NCK2: variants seen among roughly 807,000 people sequenced by gnomAD.
The protein encoded by NCK2 is cytoplasmic protein NCK2.
A neutral mutation model predicts 33.9 loss-of-function variants in NCK2; 16 were observed. That is an observed-to-expected ratio of 0.47 (90% confidence interval 0.32 to 0.72). NCK2 has a LOEUF of 0.72. Ranked by LOEUF, NCK2 falls within the 30% of genes least tolerant of loss-of-function variation. NCK2 has a pLI of 0.03. For synonymous variants in NCK2, 273 were observed against 239.9 expected, an observed-to-expected ratio of 1.14 and a Z score of -1.27; for missense variants, 418 against 537.3, an observed-to-expected ratio of 0.78 and a Z score of 2.19.
At chr2:105,783,271 C>G (rs565843951) in intron 1 of NCK2, among the ~76,000 whole-genome samples, 2 of 152,296 alleles carry the variant, frequency 1.3e-5, no homozygotes, top group South Asian at 2.1e-4. Context: ...CTGTTTGTAG[C>G]CTCGCTAGAG....
chr2:105,760,050 T>C (rs929223347), intron 1 of NCK2, among the ~76,000 whole-genome samples: 1 of 150,286 alleles, frequency 6.7e-6, no homozygotes, highest in Non-Finnish European at 1.5e-5. Context: ...AAGTGACTCT[T>C]TTCCCTTCTT....
chr2:105,770,185 C>T lies in NCK2; in HGVS notation c.-201+25047C>T, dbSNP rs186330805. 2.1e-3 allele frequency among the ~76,000 whole-genome samples: 309 copies of T among 149,078 alleles called. 2 individuals carry two copies. The highest frequency in any genetic ancestry group is 7.1e-3 in the African/African-American group (288 of 40,404). ...ACAAGAAAAAGGATGGTGCTGTGGACATGGGGTGTGGTTGCTAAAGGAATT... is the reference window on the plus strand; with the variant it reads ...ACAAGAAAAAGGATGGTGCTGTGGATATGGGGTGTGGTTGCTAAAGGAATT... On this transcript the variant is annotated intron_variant, in intron 1 of 4. Coordinates refer to ENST00000233154, the MANE Select transcript of NCK2 (RefSeq NM_003581.5).
intron 1 of NCK2, among the ~76,000 whole-genome samples, chr2:105,799,840 G>A (rs1297227741): frequency 6.6e-6 from 1 of 152,098 alleles, no homozygotes; most frequent in East Asian, 1.9e-4. Flanking sequence ...TTGCCACTAT[G>A]TTCTTGGCTA....
chr2:105,880,167 C>T (rs532209857), intron 3 of NCK2, among the ~76,000 whole-genome samples: 5 of 152,214 alleles, frequency 3.3e-5, no homozygotes, highest in Admixed American at 1.3e-4. Context: ...ATTCGATACT[C>T]GTATCTGTGA....
At chr2:105,791,437 C>T (rs140390014) in intron 1 of NCK2, among the ~76,000 whole-genome samples, 2,855 of 152,304 alleles carry the variant, frequency 0.019, 50 homozygotes, top group Non-Finnish European at 0.022. Context: ...AAGTGCCTAA[C>T]AACAATGTAG....
chr2:105,849,603 T>TA (rs1676984618), intron 2 of NCK2, among the ~76,000 whole-genome samples: 1 of 152,088 alleles, frequency 6.6e-6, no homozygotes, highest in African/African-American at 2.4e-5. Context: ...AGTGACCAGG[T>TA]GGTCTCTGGT....
chr2:105,762,247 A>G (rs1689787095), intron 1 of NCK2, among the ~76,000 whole-genome samples: 1 of 152,240 alleles, frequency 6.6e-6, no homozygotes, highest in Non-Finnish European at 1.5e-5. Flanking sequence ...TCAAGTTGAA[A>G]GAGGCCTTGC....
chr2:105,888,203 G>A (rs143205233), intron 4 of NCK2, among the ~76,000 whole-genome samples: 440 of 152,268 alleles, frequency 2.9e-3, no homozygotes, highest in African/African-American at 0.01. Flanking sequence ...GAAAAGAAGG[G>A]TCAAATGAAT....
intron 1 of NCK2, among the ~76,000 whole-genome samples, chr2:105,788,883 C>G (rs547522918): frequency 2.1e-4 from 32 of 152,286 alleles, no homozygotes; most frequent in Admixed American, 1.2e-3. Context: ...GTCAGGGCAG[C>G]GGATCTCTTA....
Position 105,893,126 on chromosome 2 carries a change from T to G in NCK2, c.1093T>G (p.Phe365Val). Residue 365 changes from phenylalanine to valine, a missense_variant, in exon 5 of 5, where the codon TTC (phenylalanine) becomes GTC (valine). Physicochemically the swap from Phe to Val is conservative, Grantham distance 50. Transcript: ENST00000233154. Reference protein sequence around the residue: ...LVEHYKKAPIFTSEHGEKLYL... With the variant: ...LVEHYKKAPIVTSEHGEKLYL... ...GGAACACTACAAAAAGGCGCCCATC[T>G]TCACCAGCGAGCACGGGGAGAAGCT... The G allele has an allele frequency of 1.2e-6, 2 of 1,612,832 alleles. No homozygotes were observed. The highest frequency in any genetic ancestry group is 8.5e-7 in the Non-Finnish European group (1 of 1,179,420).
At chr2:105,810,398 T>C (rs904979621) in intron 1 of NCK2, among the ~76,000 whole-genome samples, 1 of 152,178 alleles carries the variant, frequency 6.6e-6, no homozygotes, top group Non-Finnish European at 1.5e-5. Context: ...CAGGATTTGC[T>C]TTCCTGACTC....
At chr2:105,780,356 AC>A in intron 1 of NCK2, among the ~76,000 whole-genome samples, 1 of 151,318 alleles carries the variant, frequency 6.6e-6, no homozygotes, top group South Asian at 2.1e-4. Context: ...ACACACACAC[AC>A]ACACACATTC....
chr2:105,839,224 G>A (rs934823505), intron 2 of NCK2, among the ~76,000 whole-genome samples: 2 of 152,208 alleles, frequency 1.3e-5, no homozygotes, highest in African/African-American at 4.8e-5. Flanking sequence ...TTAGGCTTTG[G>A]TGCAGCTTTG....
At chr2:105,873,551 C>A (rs972322187) in intron 3 of NCK2, among the ~76,000 whole-genome samples, 2 of 152,168 alleles carry the variant, frequency 1.3e-5, no homozygotes, top group African/African-American at 4.8e-5. Flanking sequence ...TCACTGTGTT[C>A]TTTTCAGCTC....
rs549424622 is a variant in NCK2, at chr2:105,880,274, C to T, written c.227-1054C>T. Reference sequence around the variant, plus strand: ...CACATACCTATAGGCTGGTTGCAGCCCATTAAAGTGATTTTTTATGATCCA... The same window carrying T: ...CACATACCTATAGGCTGGTTGCAGCTCATTAAAGTGATTTTTTATGATCCA... On this transcript the variant is annotated intron_variant, in intron 3 of 4. Transcript: ENST00000233154. 4.6e-5 allele frequency among the ~76,000 whole-genome samples: 7 copies of T among 152,190 alleles called. No homozygotes were observed. The South Asian group carries it at 1.2e-3, about 27-fold the overall frequency.
chr2:105,793,681 G>C (rs1441716577), intron 1 of NCK2, among the ~76,000 whole-genome samples: 1 of 152,252 alleles, frequency 6.6e-6, no homozygotes, highest in Non-Finnish European at 1.5e-5. Context: ...ACCCACTGCA[G>C]TTGACACCCT....
chr2:105,878,855 G>T (rs1362618445), intron 3 of NCK2, among the ~76,000 whole-genome samples: 2 of 152,174 alleles, frequency 1.3e-5, no homozygotes, highest in Non-Finnish European at 2.9e-5. Context: ...TTCCAGTCTT[G>T]ATGGAGAAGT....
intron 1 of NCK2, among the ~76,000 whole-genome samples, chr2:105,787,214 C>T (rs901216731): frequency 4.6e-5 from 7 of 152,206 alleles, no homozygotes; most frequent in African/African-American, 1.7e-4. Flanking sequence ...CTCAGCTCAG[C>T]GCCGTGGAAG....
intron 1 of NCK2, among the ~76,000 whole-genome samples, chr2:105,791,934 GT>G (rs1342880643): frequency 6.6e-6 from 1 of 152,174 alleles, no homozygotes; most frequent in Non-Finnish European, 1.5e-5. Flanking sequence ...TTTTTTCGAT[GT>G]TTTGAGTGTG....
Sources: allele counts gnomAD v4.1 joint callset (sites outside exome capture counted in the v4.1 genomes callset), GRCh38; gene constraint gnomAD v4.1.1; transcripts MANE v1.5; gene names NCBI Gene and HGNC (gene_info 2026-07-23, HGNC 2026-07-21).